The following QSOX2 variants were observed in gnomAD, a reference collection of about 807,000 sequenced individuals.
The protein encoded by QSOX2 is sulfhydryl oxidase 2.
In QSOX2, 46 loss-of-function variants were observed where a neutral mutation model predicts 61.7. That is an observed-to-expected ratio of 0.75 (90% CI 0.59 to 0.95). The LOEUF is 0.95. QSOX2 is among the 40% of genes least tolerant of loss of function. The probability of loss-of-function intolerance (pLI) is 0.00; values close to 1 mark genes in which losing one functional copy is unlikely to be tolerated. For missense variants in QSOX2, 879 were observed against 918.9 expected (o/e 0.96, Z 0.56); for synonymous variants, 383 against 388.4 (o/e 0.99, Z 0.16).
Position 136,216,202 on chromosome 9 carries a change from C to G in QSOX2, c.1209+398G>C, listed in dbSNP as rs1359531011. Among the ~76,000 whole-genome samples the G allele has an allele frequency of 2.6e-5, 4 of 152,176 alleles. No individual in the cohort carries two copies. The South Asian group carries it at 8.3e-4, about 32-fold the overall frequency. On this transcript the variant is annotated intron_variant, in intron 9 of 11. Coordinates refer to ENST00000358701, the MANE Select transcript of QSOX2 (RefSeq NM_181701.4). Reference sequence around the variant, plus strand: ...TGCCAGGACCTCTTGGGGTGCTGGTCCCCTGAGCAAAGACTGGCACCTGCT... The same window carrying G: ...TGCCAGGACCTCTTGGGGTGCTGGTGCCCTGAGCAAAGACTGGCACCTGCT...
chr9:136,215,633 A>G (rs532377561), intron 9 of QSOX2, among the ~76,000 whole-genome samples: 115 of 152,370 alleles, frequency 7.5e-4, no homozygotes, highest in Middle Eastern at 3.4e-3. Context: ...TTGTAAGGAC[A>G]GTATTAAGAG....
At chr9:136,214,616 C>A (rs534853738) in intron 10 of QSOX2, among the ~76,000 whole-genome samples, 1 of 152,196 alleles carries the variant, frequency 6.6e-6, no homozygotes. Flanking sequence ...AAGCCACTCT[C>A]CCCAGGTGGG....
At chr9:136,242,673 A>G (rs570699128) in intron 1 of QSOX2, among the ~76,000 whole-genome samples, 51 of 152,376 alleles carry the variant, frequency 3.3e-4, no homozygotes, top group African/African-American at 1.1e-3. Flanking sequence ...ACAGGGAGCC[A>G]GGCGCCAAGC....
rs570463948 is a variant in QSOX2 at position 136,221,865 on chromosome 9, T to A, written c.752A>T (p.Lys251Ile). 28 of 1,612,802 alleles carry A rather than the reference T, an allele frequency of 1.7e-5. No homozygotes were observed. The South Asian group carries it at 2.8e-4, about 16-fold the overall frequency. ...ALDGDKAFLEKLGVSSVPSCY... is the reference protein window; with the variant it reads ...ALDGDKAFLEILGVSSVPSCY... ...CGAAGGGACTGAAGAAACACCAAGT[T>A]TCTCCAGAAATGCTTTGTCCCCGTC... is the stretch of plus-strand genomic sequence containing the variant. Residue 251 changes from lysine to isoleucine, a missense_variant, in exon 6 of 12, where the codon AAA (lysine) becomes ATA (isoleucine). Physicochemically the swap from Lys to Ile is moderately radical, Grantham distance 102. Coordinates refer to ENST00000358701, the MANE Select transcript of QSOX2 (RefSeq NM_181701.4). This position sits in a 1 kb window ranked among gnomAD's most constrained non-coding sequence, Gnocchi z 4.5.
Position 136,208,395 on chromosome 9 carries a change from T to A in QSOX2, c.*333A>T, listed in dbSNP as rs1173778002. 3 of 198,560 alleles carry A rather than the reference T, an allele frequency of 1.5e-5. No homozygotes were observed. Among genetic ancestry groups the A allele is most frequent in the Non-Finnish European group, 3.0e-5 (3 of 99,340 alleles). 12.3% of individuals were successfully genotyped at this position (198,560 alleles called of 1,614,324 possible). ...GTGGAGGAAACGAGATGAAAGTGTG[T>A]GGGGAAGACTATCTGGCCTGGACTC... On this transcript the variant is annotated 3_prime_UTR_variant, in exon 12 of 12. Coordinates refer to ENST00000358701, the MANE Select transcript of QSOX2 (RefSeq NM_181701.4).
chr9:136,218,573 A>G lies in QSOX2; in HGVS notation c.1086+106T>C, dbSNP rs1831941474. 6 of 1,334,592 alleles carry G rather than the reference A, an allele frequency of 4.5e-6. No homozygotes were observed. In the East Asian group the frequency reaches 1.5e-4, roughly 34 times the overall value. The allele number at this position is 1,334,592 out of a possible 1,614,324, so 82.7% of individuals were successfully genotyped here. On this transcript the variant is annotated intron_variant, in intron 8 of 11. Coordinates refer to ENST00000358701, the MANE Select transcript of QSOX2 (RefSeq NM_181701.4). ...TGGGCGACAAAGCAAGGTGGAGAGC[A>G]CCTCAGCGGAGCTGGCGGAGCCCCC...
chr9:136,231,330 C>T (rs1830328060), intron 1 of QSOX2, among the ~76,000 whole-genome samples: 1 of 152,252 alleles, frequency 6.6e-6, no homozygotes, highest in South Asian at 2.1e-4. Flanking sequence ...ACGCAGGTGA[C>T]ATGCTGCAGC....
At chr9:136,225,367 C>T (rs1196714731) in intron 2 of QSOX2, among the ~76,000 whole-genome samples, 6 of 152,150 alleles carry the variant, frequency 3.9e-5, no homozygotes, top group Non-Finnish European at 5.9e-5. Flanking sequence ...TCAAAGGGTA[C>T]GTTAGAGACA....
chr9:136,231,343 A>G (rs1362165357), intron 1 of QSOX2, among the ~76,000 whole-genome samples: 3 of 152,244 alleles, frequency 2.0e-5, no homozygotes, highest in African/African-American at 7.2e-5. Flanking sequence ...GCTGCAGCCC[A>G]AACATGCATC....
chr9:136,245,529 C>T lies in QSOX2; in HGVS notation c.275G>A (p.Gly92Asp). 6.3e-7 allele frequency: 1 copy of T among 1,594,266 alleles called. No homozygotes were observed. The highest frequency in any genetic ancestry group is 8.5e-7 in the Non-Finnish European group (1 of 1,177,526). Residue 92 changes from glycine (G) to aspartate (D), a missense_variant, in exon 1 of 12, where the codon GGC becomes GAC. Physicochemically the swap from Gly to Asp is moderately conservative, Grantham distance 94 (BLOSUM62 -1). Coordinates refer to ENST00000358701, the MANE Select transcript of QSOX2 (RefSeq NM_181701.4). Reference protein sequence around the residue: ...WLVQFYSSWCGHCIGYAPTWR... With the variant: ...WLVQFYSSWCDHCIGYAPTWR... Reference sequence around the variant, plus strand: ...AGTGGGCGCGTAGCCGATGCAGTGGCCACACCACGACGAGTAGAACTGCAC... The same window carrying T: ...AGTGGGCGCGTAGCCGATGCAGTGGTCACACCACGACGAGTAGAACTGCAC...
chr9:136,218,636 A>T, intron 8 of QSOX2, 43 bp downstream of exon 8: 5 of 1,597,744 alleles, frequency 3.1e-6, no homozygotes, highest in Non-Finnish European at 4.3e-6. Flanking sequence ...CTCTGTGCAG[A>T]GCCAAATTCC....
chr9:136,229,318 G>A (rs1315383353), intron 1 of QSOX2, among the ~76,000 whole-genome samples: 4 of 152,208 alleles, frequency 2.6e-5, no homozygotes, highest in East Asian at 1.9e-4. Flanking sequence ...GGCACGGGAC[G>A]CGGAAACAGG....
At position 136,223,090 on chromosome 9, in the gene QSOX2, G is replaced by A. The variant is rs1216394167; in HGVS notation, c.675+673C>T. On this transcript the variant is annotated intron_variant, in intron 5 of 11. Coordinates refer to ENST00000358701, the MANE Select transcript of QSOX2 (RefSeq NM_181701.4). This position sits in a 1 kb window ranked among gnomAD's most constrained non-coding sequence, Gnocchi z 4.4. ...CAAAAGCCCTCGCAGGGGCAAAGCT[G>A]TTTCCTACATTCACCGCAAGGCCCC... 1.3e-5 allele frequency among the ~76,000 whole-genome samples: 2 copies of A among 152,248 alleles called. No individual in the cohort carries two copies. Among genetic ancestry groups the A allele is most frequent in the East Asian group, 1.9e-4 (1 of 5,190 alleles).
chr9:136,223,970 C>T lies in QSOX2; in HGVS notation c.584+37G>A, dbSNP rs73668097. 1.7e-3 allele frequency: 2,680 copies of T among 1,591,080 alleles called. 34 individuals carry two copies. In the African/African-American group the frequency reaches 0.028, roughly 17 times the overall value. On this transcript the variant is annotated intron_variant, in intron 4 of 11. Transcript: ENST00000358701. The surrounding 1 kb of genome is among the most constrained non-coding windows in gnomAD (Gnocchi z 4.4). ...ATTACGTTTCTTGCACAGTTCAACACGAGTCTAACGGCCGCCTTCTTCATG... is the reference window on the plus strand; with the variant it reads ...ATTACGTTTCTTGCACAGTTCAACATGAGTCTAACGGCCGCCTTCTTCATG...
intron 1 of QSOX2, among the ~76,000 whole-genome samples, chr9:136,241,903 G>A (rs775755260): frequency 2.0e-4 from 31 of 152,230 alleles, no homozygotes; most frequent in Non-Finnish European, 2.9e-4. Flanking sequence ...GGGCGCACGG[G>A]GACACAGGCC....
At chr9:136,224,153 G>T in intron 3 of QSOX2, 41 bp from the exon 4 acceptor site, 1 of 1,513,052 alleles carries the variant, frequency 6.6e-7, no homozygotes, top group Non-Finnish European at 9.1e-7. Flanking sequence ...GTGTGCGGCT[G>T]TCCTCGTGGG....
chr9:136,241,667 C>T (rs1240651258), intron 1 of QSOX2, among the ~76,000 whole-genome samples: 7 of 152,232 alleles, frequency 4.6e-5, no homozygotes, highest in Non-Finnish European at 7.3e-5. Flanking sequence ...CGCAACCTCA[C>T]GTGCTATCAC....
At chr9:136,219,622 G>C (rs1174313881) in intron 6 of QSOX2, among the ~76,000 whole-genome samples, 1 of 152,090 alleles carries the variant, frequency 6.6e-6, no homozygotes, top group Non-Finnish European at 1.5e-5. Context: ...CTCCCTGCGT[G>C]CCCACCCTGT....
chr9:136,226,514 T>C (rs548294705), intron 2 of QSOX2, among the ~76,000 whole-genome samples: 1 of 152,212 alleles, frequency 6.6e-6, no homozygotes, highest in East Asian at 1.9e-4. Flanking sequence ...TTTTCACGCA[T>C]CCCCTCCATG....
Sources: gnomAD v4.1 joint callset for allele counts (sites outside exome capture counted in the v4.1 genomes callset) on GRCh38, gnomAD v4.1.1 for gene constraint, Gnocchi (gnomAD v3.1) non-coding constraint, MANE v1.5 for transcripts, NCBI Gene and HGNC (gene_info 2026-07-23, HGNC 2026-07-21) for gene names.